OSBPL10: variants seen among roughly 807,000 people sequenced by gnomAD.
OSBPL10 encodes oxysterol-binding protein-related protein 10.
OSBPL10 carries 49 observed loss-of-function variants against 81.7 expected under a neutral mutation model. The ratio of observed to expected loss-of-function variants is 0.60; its 90% CI spans 0.48 to 0.76. The LOEUF is 0.76. OSBPL10 is among the 30% of genes least tolerant of loss of function. The pLI, the probability that OSBPL10 is intolerant of heterozygous loss-of-function variation, is 0.00. For missense variants in OSBPL10, 923 were observed against 987.8 expected, an observed-to-expected ratio of 0.93 and a Z score of 0.88; for synonymous variants, 419 against 383.6, an observed-to-expected ratio of 1.09 and a Z score of -1.08.
intron 4 of OSBPL10, chr3:31,794,621 T>C (rs1575548920): frequency 5.7e-6 from 2 of 349,540 alleles, no homozygotes; most frequent in East Asian, 1.7e-4. Context: ...CTGGCACTTT[T>C]ATCTTCCCTG....
intron 4 of OSBPL10, among the ~76,000 whole-genome samples, chr3:31,812,868 GAGA>G (rs1699745682): frequency 6.6e-6 from 1 of 151,622 alleles, no homozygotes; most frequent in African/African-American, 2.4e-5. Context: ...AATAACATGT[GAGA>G]AGGACAATTA....
chr3:31,965,760 T>C lies in OSBPL10; in HGVS notation c.281+15139A>G, dbSNP rs867908213. On this transcript the variant is annotated intron_variant, in intron 1 of 11. Transcript: ENST00000396556. ...TCTATTTATATAATATATATTATAT[T>C]AAAAGATAATATATATTATATAAAT... is the stretch of plus-strand genomic sequence containing the variant. Among the ~76,000 whole-genome samples the C allele has an allele frequency of 8.8e-5, 5 of 56,878 alleles. 2 individuals are homozygous for C. The highest frequency in any genetic ancestry group is 3.8e-4 in the African/African-American group (5 of 13,058). The allele number at this position is 56,878 out of a possible 152,430, so 37.3% of individuals were successfully genotyped here.
At chr3:31,844,044 A>G (rs1258260993) in intron 3 of OSBPL10, among the ~76,000 whole-genome samples, 1 of 152,204 alleles carries the variant, frequency 6.6e-6, no homozygotes, top group Non-Finnish European at 1.5e-5. Flanking sequence ...GTTTTTCCCC[A>G]TGAGCAATTA....
rs372305256 is a variant in OSBPL10, at chr3:31,733,685, GTTTTTTTTTTTTTTT to G, written c.941-289_941-275del. Among the ~76,000 whole-genome samples, 9 of 91,778 alleles carry G rather than the reference GTTTTTTTTTTTTTTT, an allele frequency of 9.8e-5. No individual in the cohort carries two copies. The East Asian group carries it at 2.0e-3, about 20-fold the overall frequency. 60.2% of individuals were successfully genotyped at this position (91,778 alleles called of 152,430 possible). A position where few individuals can be genotyped will look rare whatever the true frequency, so the allele number is the denominator to read the frequency against. On this transcript the variant is annotated intron_variant, in intron 5 of 11. Transcript: ENST00000396556. Reference sequence around the variant, plus strand: ...CGATTTACCAAAGCCAGATAAAGGTGTTTTTTTTTTTTTTTTTTTTTTTTTTGAACTTTTAAAAAT... The same window carrying G: ...CGATTTACCAAAGCCAGATAAAGGTGTTTTTTTTTTTGAACTTTTAAAAAT...
At chr3:31,939,056 C>T (rs759408393) in intron 1 of OSBPL10, among the ~76,000 whole-genome samples, 1 of 152,062 alleles carries the variant, frequency 6.6e-6, no homozygotes, top group African/African-American at 2.4e-5. Context: ...CACTAGACTT[C>T]CCAGGCATTT....
At chr3:31,983,775 A>C (rs1482635288), upstream of OSBPL10, among the ~76,000 whole-genome samples, 1 of 152,244 alleles carries the variant, frequency 6.6e-6, no homozygotes, top group African/African-American at 2.4e-5. Flanking sequence ...GTACCTGCAG[A>C]ATTATGTTTG....
chr3:31,968,507 A>G (rs796135316), intron 1 of OSBPL10, among the ~76,000 whole-genome samples: 10 of 122,760 alleles, frequency 8.1e-5, no homozygotes, highest in African/African-American at 4.3e-4. Flanking sequence ...TCTATTTTGA[A>G]GGGGAAAAAA....
chr3:31,691,252 G>A (rs1695539318), intron 7 of OSBPL10, among the ~76,000 whole-genome samples: 1 of 152,146 alleles, frequency 6.6e-6, no homozygotes, highest in South Asian at 2.1e-4. Flanking sequence ...CAATCTAAAA[G>A]TAAATAACCA....
At chr3:31,926,415 T>C (rs1697078113) in intron 1 of OSBPL10, among the ~76,000 whole-genome samples, 1 of 151,798 alleles carries the variant, frequency 6.6e-6, no homozygotes, top group African/African-American at 2.4e-5. Context: ...TACAGGCTAG[T>C]TCTCCCACAA....
intron 2 of OSBPL10, among the ~76,000 whole-genome samples, chr3:32,022,424 T>C (rs1699369756): frequency 6.6e-6 from 1 of 152,074 alleles, no homozygotes; most frequent in African/African-American, 2.4e-5. Flanking sequence ...AGGCTACACA[T>C]TGGTTTGACC....
At chr3:31,941,129 G>C (rs1287047900) in intron 1 of OSBPL10, among the ~76,000 whole-genome samples, 5 of 152,040 alleles carry the variant, frequency 3.3e-5, no homozygotes, top group African/African-American at 1.2e-4. Flanking sequence ...AAACACAGAA[G>C]GATGAACAGT....
intron 3 of OSBPL10, among the ~76,000 whole-genome samples, chr3:31,856,521 G>T (rs185134054): frequency 9.8e-5 from 15 of 152,294 alleles, no homozygotes; most frequent in African/African-American, 3.6e-4. Flanking sequence ...ACTTTACTAA[G>T]GGAGTTTATC....
intron 1 of OSBPL10, among the ~76,000 whole-genome samples, chr3:31,931,505 C>T (rs549280456): frequency 1.3e-3 from 200 of 152,284 alleles, no homozygotes; most frequent in African/African-American, 4.5e-3. Flanking sequence ...ATGACCTTGG[C>T]CTAGACCTGA....
chr3:31,981,892 G>A (rs1303331733), upstream of OSBPL10: 1 of 152,254 alleles, frequency 6.6e-6, no homozygotes, highest in African/African-American at 2.4e-5. This position sits in a 1 kb window ranked among gnomAD's most constrained non-coding sequence, Gnocchi z 4.5. Flanking sequence ...AGTGGCAGGT[G>A]ATCCTCACAG....
At chr3:31,782,563 A>G (rs1440935373) in intron 4 of OSBPL10, among the ~76,000 whole-genome samples, 1 of 152,254 alleles carries the variant, frequency 6.6e-6, no homozygotes, top group Non-Finnish European at 1.5e-5. Flanking sequence ...ACTAATATGC[A>G]GAATGCATAA....
intron 4 of OSBPL10, among the ~76,000 whole-genome samples, chr3:31,769,958 G>T (rs976115406): frequency 2.0e-5 from 3 of 152,162 alleles, no homozygotes; most frequent in Non-Finnish European, 2.9e-5. Flanking sequence ...TTTTCAAGGG[G>T]TTTGGGAATA....
intron 4 of OSBPL10, among the ~76,000 whole-genome samples, chr3:31,793,608 G>A (rs992750759): frequency 6.6e-6 from 1 of 152,132 alleles, no homozygotes; most frequent in African/African-American, 2.4e-5. Context: ...AAATGTGACT[G>A]TTCTCTCTCA....
intron 1 of OSBPL10, among the ~76,000 whole-genome samples, chr3:31,900,681 A>G (rs1696211065): frequency 6.6e-6 from 1 of 152,238 alleles, no homozygotes; most frequent in South Asian, 2.1e-4. Flanking sequence ...CACTGATTGC[A>G]TCAATGTTAG....
chr3:31,787,050 A>G (rs1273969840), intron 4 of OSBPL10, among the ~76,000 whole-genome samples: 1 of 152,228 alleles, frequency 6.6e-6, no homozygotes. Context: ...GACAACTATG[A>G]AAAAGTATTC....
Sources: gnomAD v4.1 joint callset for allele counts (sites outside exome capture counted in the v4.1 genomes callset) on GRCh38, gnomAD v4.1.1 for gene constraint, Gnocchi (gnomAD v3.1) non-coding constraint, MANE v1.5 for transcripts, NCBI Gene and HGNC (gene_info 2026-07-23, HGNC 2026-07-21) for gene names.